Variants in ENGASE observed in about 807,000 individuals in gnomAD.
ENGASE encodes endo-beta-N-acetylglucosaminidase.
In ENGASE, 69 loss-of-function variants were observed where a neutral mutation model predicts 78.5. The ratio of observed to expected loss-of-function variants is 0.88; its 90% confidence interval spans 0.72 to 1.07. The LOEUF (loss-of-function observed/expected upper bound fraction) is 1.07, where lower values mean the gene tolerates loss of function less well. Among genes scored for constraint, ENGASE ranks in the 50% least tolerant of loss-of-function variants. ENGASE has a pLI of 0.00. For missense variants in ENGASE, 943 were observed against 988.4 expected (o/e 0.95, Z 0.62); for synonymous variants, 408 against 408.9 (o/e 1.00, Z 0.03).
rs1016419925 is a variant in ENGASE, at chr17:79,086,492, T to C, written c.*143T>C. On this transcript the variant is annotated 3_prime_UTR_variant, in exon 14 of 14. Transcript: ENST00000579016. Reference sequence around the variant, plus strand: ...GGGGCTGGGGTGGGAGACCCCGGGCTGAGTGCTGTGGCTTTCTGGTGGGGG... The same window carrying C: ...GGGGCTGGGGTGGGAGACCCCGGGCCGAGTGCTGTGGCTTTCTGGTGGGGG... 25 of 1,000,872 alleles carry C rather than the reference T, an allele frequency of 2.5e-5. No individual in the cohort carries two copies. The highest frequency in any genetic ancestry group is 3.6e-5 in the Non-Finnish European group (25 of 703,812). The allele number at this position is 1,000,872 out of a possible 1,614,324, so 62.0% of individuals were successfully genotyped here.
rs2073317634 is a variant in ENGASE at position 79,086,519 on chromosome 17, C to T, written c.*170C>T. 5 of 769,956 alleles carry T rather than the reference C, an allele frequency of 6.5e-6. No individual in the cohort carries two copies. Among genetic ancestry groups the T allele is most frequent in the East Asian group, 2.7e-5 (1 of 36,706 alleles). 47.7% of individuals were successfully genotyped at this position (769,956 alleles called of 1,614,324 possible). On this transcript the variant is annotated 3_prime_UTR_variant, in exon 14 of 14. Coordinates refer to ENST00000579016, the MANE Select transcript of ENGASE (RefSeq NM_001042573.3). Reference sequence around the variant, plus strand: ...AGTGCTGTGGCTTTCTGGTGGGGGGCGATGGAAACAGGAAACCAAGCAGTG... The same window carrying T: ...AGTGCTGTGGCTTTCTGGTGGGGGGTGATGGAAACAGGAAACCAAGCAGTG...
chr17:79,085,927 T>C lies in ENGASE; in HGVS notation c.1816-6T>C, dbSNP rs776771832. On this transcript the variant is annotated splice_polypyrimidine_tract_variant and splice_region_variant and intron_variant, in intron 13 of 13. Transcript: ENST00000579016. ...TCCAGCCGTGCTGAGCCTTCTCTCC[T>C]GCCAGGTGGTGGACGCTGCCAGCCT... 4 of 1,591,390 alleles carry C rather than the reference T, an allele frequency of 2.5e-6. No individual in the cohort carries two copies. Among genetic ancestry groups the C allele is most frequent in the Non-Finnish European group, 3.4e-6 (4 of 1,172,808 alleles).
intron 7 of ENGASE, 83 bp downstream of exon 7, chr17:79,082,146 C>T (rs1305100478): frequency 6.2e-7 from 1 of 1,610,900 alleles, no homozygotes; most frequent in African/African-American, 1.3e-5. Context: ...CCATTCCCGT[C>T]TGCACCTCAA....
At chr17:79,077,621 A>G in intron 2 of ENGASE, 42 bp from the exon 3 acceptor site, 1 of 1,609,514 alleles carries the variant, frequency 6.2e-7, no homozygotes, top group South Asian at 1.1e-5. Context: ...TAATCCTATA[A>G]TAGTTTCCAT....
intron 3 of ENGASE, 52 bp from the exon 4 acceptor site, chr17:79,079,437 G>A (rs1416262048): frequency 2.5e-6 from 4 of 1,579,202 alleles, no homozygotes; most frequent in Non-Finnish European, 3.4e-6. Flanking sequence ...CAAAGTGCTG[G>A]GAATAAAGGC....
In ENGASE at chr17:79,086,946, G is replaced by T. The variant is rs371801851; in HGVS notation, c.*597G>T. 3 of 484,950 alleles carry T rather than the reference G, an allele frequency of 6.2e-6. No homozygotes were observed. The highest frequency in any genetic ancestry group is 1.2e-5 in the Non-Finnish European group (3 of 243,428). The allele number at this position is 484,950 out of a possible 1,614,324, so 30.0% of individuals were successfully genotyped here. A position where few individuals can be genotyped will look rare whatever the true frequency, so the allele number is the denominator to read the frequency against. On this transcript the variant is annotated 3_prime_UTR_variant, in exon 14 of 14. Coordinates refer to ENST00000579016, the MANE Select transcript of ENGASE (RefSeq NM_001042573.3). ...TTCTGGGCCAGCCGGCGCTGGCTTC[G>T]TGCCTCCACGTGGGCCAGCCCCAGC...
chr17:79,077,490 C>T lies in ENGASE; in HGVS notation c.207C>T (p.Pro69=), dbSNP rs765628629. Residue 69 remains proline, a synonymous_variant, in exon 2 of 14, where the codon CCC becomes CCT. Transcript: ENST00000579016. The part of the protein sequence containing the change: ...FREVVSFSPD[P]LPVRYYDKDT... ...AGGTGGTCAGTTTTTCCCCGGACCCCCTGCCAGGTGAGGAGACAGAGGCTC... is the reference window on the plus strand; with the variant it reads ...AGGTGGTCAGTTTTTCCCCGGACCCTCTGCCAGGTGAGGAGACAGAGGCTC... 1.3e-6 allele frequency: 2 copies of T among 1,556,764 alleles called. No individual in the cohort carries two copies. The highest frequency in any genetic ancestry group is 8.7e-7 in the Non-Finnish European group (1 of 1,155,674).
chr17:79,078,307 T>C (rs2073018740), intron 3 of ENGASE, among the ~76,000 whole-genome samples: 1 of 152,038 alleles, frequency 6.6e-6, no homozygotes, highest in African/African-American at 2.4e-5. Context: ...ACTACTGCAC[T>C]CCAGCCTGGG....
At chr17:79,084,086 G>C in intron 10 of ENGASE, 135 bp downstream of exon 10, 1 of 742,758 alleles carries the variant, frequency 1.3e-6, no homozygotes, top group Non-Finnish European at 2.2e-6. Flanking sequence ...TTAAAATTGT[G>C]ATCAAAAATG....
chr17:79,088,593 A>T lies in ENGASE; in HGVS notation c.*2244A>T, dbSNP rs7217829. ...CTGCGCTGAAATAAATGATCTGACA[A>T]TGTGAAGCGTGCAGTCGAGTCCTGG... On this transcript the variant is annotated 3_prime_UTR_variant, in exon 14 of 14. Transcript: ENST00000579016. 54,664 of 152,112 alleles carry T rather than the reference A, an allele frequency of 0.36. 10,457 individuals are homozygous for T. The highest frequency in any genetic ancestry group is 0.48 in the African/African-American group (20,080 of 41,488). 9.4% of individuals were successfully genotyped at this position (152,112 alleles called of 1,614,324 possible).
chr17:79,082,324 C>T (rs3744188), intron 7 of ENGASE: 22 of 1,356,534 alleles, frequency 1.6e-5, no homozygotes, highest in Non-Finnish European at 2.0e-5. Flanking sequence ...GCGTCGTTCC[C>T]CCGCTGTCCG....
intron 1 of ENGASE, chr17:79,075,610 C>T: frequency 1.2e-6 from 1 of 810,462 alleles, no homozygotes; most frequent in Non-Finnish European, 1.5e-6. Flanking sequence ...CAGAAAGGGA[C>T]GAACATGCCC....
chr17:79,076,183 T>G lies in ENGASE; in HGVS notation c.146+1093T>G, dbSNP rs149475185. On this transcript the variant is annotated intron_variant, in intron 1 of 13. Coordinates refer to ENST00000579016, the MANE Select transcript of ENGASE (RefSeq NM_001042573.3). ...CAACTCAGTGAACAAAGAAGTGGCC[T>G]TGGGCGTTGGTAGATTTAGGGAATC... Among the ~76,000 whole-genome samples, 1,302 of 152,280 alleles carry G rather than the reference T, an allele frequency of 8.6e-3. 15 individuals are homozygous for G. Among genetic ancestry groups the G allele is most frequent in the African/African-American group, 0.029 (1,194 of 41,548 alleles).
Position 79,086,886 on chromosome 17 carries a change from C to A in ENGASE, c.*537C>A, listed in dbSNP as rs1274017720. ...AGGATGCCCTGGAGAACCGTCCTCC[C>A]AGTGTGGAAGGCCCTTTTCCCTGAG... On this transcript the variant is annotated 3_prime_UTR_variant, in exon 14 of 14. Coordinates refer to ENST00000579016, the MANE Select transcript of ENGASE (RefSeq NM_001042573.3). 26 of 454,368 alleles carry A rather than the reference C, an allele frequency of 5.7e-5. No homozygotes were observed. In the Admixed American group the frequency reaches 6.1e-4, roughly 11 times the overall value. 28.1% of individuals were successfully genotyped at this position (454,368 alleles called of 1,614,324 possible).
chr17:79,080,385 C>T (rs754842994), intron 5 of ENGASE, 21 bp downstream of exon 5: 56 of 1,609,834 alleles, frequency 3.5e-5, no homozygotes, highest in Non-Finnish European at 4.3e-5. Context: ...AGCCCTCACC[C>T]ACCTCCCCGC....
chr17:79,088,528 TA>T lies in ENGASE; in HGVS notation c.*2180del, dbSNP rs2073402257. 6.6e-6 allele frequency: 1 copy of T among 152,258 alleles called. No homozygotes were observed. Among genetic ancestry groups the T allele is most frequent in the Non-Finnish European group, 1.5e-5 (1 of 68,070 alleles). The allele number at this position is 152,258 out of a possible 1,614,324, so 9.4% of individuals were successfully genotyped here. A position where few individuals can be genotyped will look rare whatever the true frequency, so the allele number is the denominator to read the frequency against. On this transcript the variant is annotated 3_prime_UTR_variant, in exon 14 of 14. Transcript: ENST00000579016. ...CAGGGCTCGCGTGCGGGAAAACTAATATGCCGGCGTTTAAGCCTGTGCCCCT... is the reference window on the plus strand; with the variant it reads ...CAGGGCTCGCGTGCGGGAAAACTAATTGCCGGCGTTTAAGCCTGTGCCCCT...
rs201060954 is a variant in ENGASE, at chr17:79,081,897, G to A, written c.873-1G>A. 1.7e-4 allele frequency: 279 copies of A among 1,609,304 alleles called. No individual in the cohort carries two copies. The highest frequency in any genetic ancestry group is 2.2e-4 in the Non-Finnish European group (263 of 1,177,068). Reference sequence around the variant, plus strand: ...CACAGCAGGTCCTTGTTGCTTCTCAGGGTCTTCTTTGATTCCTGCGACGGC... The same window carrying A: ...CACAGCAGGTCCTTGTTGCTTCTCAAGGTCTTCTTTGATTCCTGCGACGGC... On this transcript the variant is annotated splice_acceptor_variant, in intron 6 of 13. Coordinates refer to ENST00000579016, the MANE Select transcript of ENGASE (RefSeq NM_001042573.3). LOFTEE classifies it high-confidence loss of function.
rs1039286954 is a variant in ENGASE, at chr17:79,087,559, G to C, written c.*1210G>C. 1 of 156,918 alleles carries C rather than the reference G, an allele frequency of 6.4e-6. No individual in the cohort carries two copies. Among genetic ancestry groups the C allele is most frequent in the Non-Finnish European group, 1.4e-5 (1 of 70,620 alleles). The allele number at this position is 156,918 out of a possible 1,614,324, so 9.7% of individuals were successfully genotyped here. A position where few individuals can be genotyped will look rare whatever the true frequency, so the allele number is the denominator to read the frequency against. On this transcript the variant is annotated 3_prime_UTR_variant, in exon 14 of 14. Coordinates refer to ENST00000579016, the MANE Select transcript of ENGASE (RefSeq NM_001042573.3). ...CTGTGGCTGGTCTGGGGTGGGGTCTGTTGTGGTCCTTCCACGGTGTCAGTG... is the reference window on the plus strand; with the variant it reads ...CTGTGGCTGGTCTGGGGTGGGGTCTCTTGTGGTCCTTCCACGGTGTCAGTG...
rs1226050711 is a variant in ENGASE at position 79,086,288 on chromosome 17, G to C, written c.2171G>C (p.Gly724Ala). ...CTGGTGGAGCCTGTCCCCAAGGAAG[G>C]GTTCCGGGTACCTCAGGCCGAGTGG... ...EFLVEPVPKE[G>A]FRVPQAEWGR... Residue 724 changes from glycine (G) to alanine (A), a missense_variant, in exon 14 of 14, where the codon GGG becomes GCG. Transcript: ENST00000579016. The C allele has an allele frequency of 1.9e-6, 3 of 1,613,538 alleles. No individual in the cohort carries two copies. The highest frequency in any genetic ancestry group is 2.5e-6 in the Non-Finnish European group (3 of 1,180,052).
Sources: allele counts gnomAD v4.1 joint callset (sites outside exome capture counted in the v4.1 genomes callset), GRCh38; gene constraint gnomAD v4.1.1; transcripts MANE v1.5; gene names NCBI Gene and HGNC (gene_info 2026-07-23, HGNC 2026-07-21).